GLI3: variants seen among roughly 807,000 people sequenced by gnomAD.
The protein encoded by GLI3 is transcription activator GLI3.
Under a neutral mutation model 100.8 loss-of-function variants are expected in GLI3, and 20 were observed. The observed-to-expected ratio is 0.20, with a 90% CI of 0.14 to 0.29. The LOEUF (loss-of-function observed/expected upper bound fraction) is 0.29. Ranked by LOEUF, GLI3 falls within the 10% of genes least tolerant of loss-of-function variation. The pLI, the probability that GLI3 is intolerant of heterozygous loss-of-function variation, is 1.00. For missense variants in GLI3, 2,040 were observed against 2,128.5 expected, an observed-to-expected ratio of 0.96 and a Z score of 0.82; for synonymous variants, 938 against 860.5, an observed-to-expected ratio of 1.09 and a Z score of -1.58.
Position 41,964,540 on chromosome 7 carries a change from G to A in GLI3, c.4533C>T (p.Asp1511=), listed in dbSNP as rs145513625. Residue 1511 remains aspartate, a synonymous_variant, in exon 15 of 15, where the codon GAC becomes GAT. Coordinates refer to ENST00000395925, the MANE Select transcript of GLI3 (RefSeq NM_000168.6). ...GVQIDFDAII[D]DGDHSSLMSG... is the part of the protein sequence containing the mutation. ...ACATCAGGCTGGAGTGGTCCCCATC[G>A]TCTATGATGGCATCGAAGTCAATCT... is the stretch of plus-strand genomic sequence containing the variant. 9.7e-5 allele frequency: 156 copies of A among 1,613,122 alleles called. No individual in the cohort carries two copies. Among genetic ancestry groups the A allele is most frequent in the Non-Finnish European group, 1.2e-4 (145 of 1,179,034 alleles).
intron 2 of GLI3, among the ~76,000 whole-genome samples, chr7:42,209,062 T>C (rs1788212497): frequency 6.6e-6 from 1 of 152,068 alleles, no homozygotes; most frequent in African/African-American, 2.4e-5. Context: ...TTTTTTTTAA[T>C]TTTTATTTTA....
At chr7:42,179,143 C>T (rs1033430923) in intron 2 of GLI3, among the ~76,000 whole-genome samples, 8 of 151,986 alleles carry the variant, frequency 5.3e-5, no homozygotes, top group Non-Finnish European at 8.8e-5. Context: ...TTAAGTCTCA[C>T]GAGATCTGAT....
chr7:42,207,715 C>G (rs1788183588), intron 2 of GLI3, among the ~76,000 whole-genome samples: 1 of 152,126 alleles, frequency 6.6e-6, no homozygotes, highest in Non-Finnish European at 1.5e-5. Context: ...GAAAATGATC[C>G]TAGCATATGG....
At position 42,247,552 on chromosome 7, in the gene GLI3, C is replaced by A. The variant is rs112302349; in HGVS notation, c.-43+16442G>T. Reference sequence around the variant, plus strand: ...AATGCAAAATATTCCATTCATTTTCCGGTCCACCACCAGGCGTCTGCTTCT... The same window carrying A: ...AATGCAAAATATTCCATTCATTTTCAGGTCCACCACCAGGCGTCTGCTTCT... On this transcript the variant is annotated intron_variant, in intron 1 of 2. Transcript: ENST00000678978. Among the ~76,000 whole-genome samples, 169 of 152,312 alleles carry A rather than the reference C, an allele frequency of 1.1e-3. 1 individual carries two copies. Among genetic ancestry groups the A allele is most frequent in the African/African-American group, 3.8e-3 (159 of 41,564 alleles).
intron 4 of GLI3, among the ~76,000 whole-genome samples, chr7:42,059,017 G>A (rs1470675644): frequency 6.6e-6 from 1 of 152,162 alleles, no homozygotes; most frequent in African/African-American, 2.4e-5. Flanking sequence ...AGAGCTAAAT[G>A]ACCACATCTC....
At chr7:41,996,359 T>G (rs939446054) in intron 10 of GLI3, among the ~76,000 whole-genome samples, 1 of 152,202 alleles carries the variant, frequency 6.6e-6, no homozygotes, top group Admixed American at 6.5e-5. Flanking sequence ...ACTTTCCCAG[T>G]GGTCTTCACT....
At chr7:42,079,902 T>G (rs1057337700) in intron 3 of GLI3, among the ~76,000 whole-genome samples, 2 of 152,220 alleles carry the variant, frequency 1.3e-5, no homozygotes, top group African/African-American at 4.8e-5. Context: ...GCCTCATATA[T>G]CCCCGAAGTA....
At chr7:42,207,158 C>T (rs1474730995) in intron 2 of GLI3, among the ~76,000 whole-genome samples, 1 of 152,220 alleles carries the variant, frequency 6.6e-6, no homozygotes, top group African/African-American at 2.4e-5. Flanking sequence ...AATAATTCCA[C>T]TCCTAGGTTT....
intron 2 of GLI3, among the ~76,000 whole-genome samples, chr7:42,158,781 C>T (rs1336372865): frequency 2.0e-5 from 3 of 152,134 alleles, no homozygotes; most frequent in Non-Finnish European, 4.4e-5. Flanking sequence ...TGATGTGAGC[C>T]ACCGCGCCCA....
upstream of GLI3, among the ~76,000 whole-genome samples, chr7:42,238,840 C>G (rs1359390253): frequency 6.6e-6 from 1 of 152,228 alleles, no homozygotes; most frequent in East Asian, 1.9e-4. Flanking sequence ...TAAGCCGGGT[C>G]CACCCAGCCA....
chr7:42,026,473 CAAG>C, intron 7 of GLI3, 61 bp from the exon 8 acceptor site: 1 of 1,194,568 alleles, frequency 8.4e-7, no homozygotes, highest in Non-Finnish European at 1.2e-6. Flanking sequence ...GACAAGTACA[CAAG>C]ATCTGCAGCT....
intron 3 of GLI3, among the ~76,000 whole-genome samples, chr7:42,099,730 T>C (rs1032869222): frequency 6.6e-6 from 1 of 152,216 alleles, no homozygotes. Context: ...AGAGTCTTGC[T>C]ATGTTGCCCA....
intron 2 of GLI3, among the ~76,000 whole-genome samples, chr7:42,216,700 G>T (rs901626725): frequency 6.6e-6 from 1 of 152,100 alleles, no homozygotes; most frequent in Admixed American, 6.6e-5. Context: ...AAAATCTAGT[G>T]TTATAAGCTA....
intron 3 of GLI3, among the ~76,000 whole-genome samples, chr7:42,099,536 T>G (rs1319225708): frequency 6.6e-6 from 1 of 152,186 alleles, no homozygotes; most frequent in Non-Finnish European, 1.5e-5. Context: ...TTTTTAGAGA[T>G]ATGTTAGTTT....
intron 2 of GLI3, among the ~76,000 whole-genome samples, chr7:42,180,226 A>G (rs1787566340): frequency 1.3e-5 from 2 of 152,210 alleles, no homozygotes; most frequent in Non-Finnish European, 2.9e-5. Flanking sequence ...GACCCCTGTC[A>G]TCATGTCAAG....
chr7:42,033,813 A>G (rs957628202), intron 7 of GLI3, among the ~76,000 whole-genome samples: 1 of 152,012 alleles, frequency 6.6e-6, no homozygotes, highest in Admixed American at 6.6e-5. Context: ...TCTATTTGAG[A>G]GGGAAAAAAA....
chr7:42,023,444 G>T (rs766102286), intron 10 of GLI3, 24 bp downstream of exon 10: 5 of 1,613,298 alleles, frequency 3.1e-6, no homozygotes, highest in Admixed American at 1.7e-5. Context: ...TGTAAAGCTC[G>T]GTTCCTGAAT....
At chr7:41,968,686 G>GAAGAAAGA (rs748578300) in intron 13 of GLI3, among the ~76,000 whole-genome samples, 20 of 76,194 alleles carry the variant, frequency 2.6e-4, no homozygotes, top group African/African-American at 3.8e-4. Flanking sequence ...AAGAAAGAAA[G>GAAGAAAGA]AAGAAAGAAA....
intron 3 of GLI3, among the ~76,000 whole-genome samples, chr7:42,130,285 G>A (rs975001077): frequency 1.3e-5 from 2 of 152,088 alleles, no homozygotes; most frequent in Admixed American, 1.3e-4. Context: ...AACAACATTA[G>A]GCCAGCTATC....
Sources: allele counts gnomAD v4.1 joint callset (sites outside exome capture counted in the v4.1 genomes callset), GRCh38; gene constraint gnomAD v4.1.1; transcripts MANE v1.5; gene names NCBI Gene and HGNC (gene_info 2026-07-23, HGNC 2026-07-21).